Variants in ADAMTS19 observed in about 807,000 individuals in gnomAD.
The protein encoded by ADAMTS19 is ADAM metallopeptidase with thrombospondin type 1 motif 19.
ADAMTS19 carries 93 observed loss-of-function variants against 153.3 expected under a neutral mutation model. The observed-to-expected ratio is 0.61, with a 90% CI of 0.51 to 0.72. The LOEUF (loss-of-function observed/expected upper bound fraction) is 0.72, where lower values mean the gene tolerates loss of function less well. Among genes scored for constraint, ADAMTS19 ranks in the 30% least tolerant of loss-of-function variants. The pLI is 0.00. For synonymous variants in ADAMTS19, 600 were observed against 556.6 expected, an observed-to-expected ratio of 1.08 and a Z score of -1.10; for missense variants, 1,482 against 1,552.1, an observed-to-expected ratio of 0.95 and a Z score of 0.76.
chr5:129,705,009 G>C (rs1756077281), intron 21 of ADAMTS19, among the ~76,000 whole-genome samples: 1 of 152,142 alleles, frequency 6.6e-6, no homozygotes, highest in Non-Finnish European at 1.5e-5. Context: ...TGTCTGACCT[G>C]TTCATTCTAT....
chr5:129,535,968 C>T (rs375869514), intron 6 of ADAMTS19, among the ~76,000 whole-genome samples: 1 of 151,982 alleles, frequency 6.6e-6, no homozygotes, highest in African/African-American at 2.4e-5. Flanking sequence ...CCTAGAAGAA[C>T]ACCTAGGCAA....
intron 2 of ADAMTS19, among the ~76,000 whole-genome samples, chr5:129,472,127 C>G (rs1750088157): frequency 6.6e-6 from 1 of 152,212 alleles, no homozygotes; most frequent in Non-Finnish European, 1.5e-5. Flanking sequence ...TGAGGAATCA[C>G]TTCACTATCT....
chr5:129,545,219 C>T (rs923473589), intron 6 of ADAMTS19, among the ~76,000 whole-genome samples: 2 of 152,004 alleles, frequency 1.3e-5, no homozygotes, highest in African/African-American at 4.8e-5. Flanking sequence ...GATTTGAAAA[C>T]TGATGAAAAT....
chr5:129,640,014 A>G (rs1170534047), intron 10 of ADAMTS19, among the ~76,000 whole-genome samples: 1 of 152,236 alleles, frequency 6.6e-6, no homozygotes, highest in Non-Finnish European at 1.5e-5. Flanking sequence ...ATTCTTTACA[A>G]TAATTTTCTA....
chr5:129,646,131 G>A (rs902464531), intron 11 of ADAMTS19, among the ~76,000 whole-genome samples: 12 of 151,044 alleles, frequency 7.9e-5, no homozygotes, highest in Non-Finnish European at 1.6e-4. Context: ...CTCGTGATCC[G>A]CCCGCCTCGG....
intron 2 of ADAMTS19, among the ~76,000 whole-genome samples, chr5:129,497,475 C>G (rs1225192777): frequency 6.6e-6 from 1 of 152,134 alleles, no homozygotes; most frequent in Non-Finnish European, 1.5e-5. Flanking sequence ...GCTTCATTCT[C>G]CAACTACTTG....
chr5:129,658,347 A>AAGAAAGAGAGAGAGAGAGAGAG (rs1753665183), intron 14 of ADAMTS19, among the ~76,000 whole-genome samples: 4 of 115,990 alleles, frequency 3.4e-5, no homozygotes, highest in African/African-American at 1.5e-4. Context: ...GAAAGAAAGA[A>AAGAAAGAGAGAGAGAGAGAGAG]AGAAAGAAAG....
At chr5:129,500,660 G>C (rs1381375361) in intron 2 of ADAMTS19, 1 of 152,116 alleles carries the variant, frequency 6.6e-6, no homozygotes, top group Non-Finnish European at 1.5e-5. Context: ...CTTAGCAACA[G>C]ATTATGAAGC....
intron 13 of ADAMTS19, among the ~76,000 whole-genome samples, chr5:129,649,742 T>C (rs1202430330): frequency 1.3e-5 from 2 of 152,180 alleles, no homozygotes; most frequent in Non-Finnish European, 2.9e-5. Flanking sequence ...TTGCTGTAGT[T>C]CTATAGTTGC....
intron 3 of ADAMTS19, among the ~76,000 whole-genome samples, chr5:129,511,749 G>A (rs1328242994): frequency 6.6e-6 from 1 of 151,814 alleles, no homozygotes; most frequent in Non-Finnish European, 1.5e-5. Flanking sequence ...CAGACTGCCT[G>A]TGTTCATATC....
chr5:129,525,058 T>C (rs1751960863), intron 3 of ADAMTS19, among the ~76,000 whole-genome samples: 1 of 152,156 alleles, frequency 6.6e-6, no homozygotes, highest in Non-Finnish European at 1.5e-5. Context: ...ATATGACTAT[T>C]CTAACATTTC....
intron 7 of ADAMTS19, among the ~76,000 whole-genome samples, chr5:129,582,731 C>G (rs1030412327): frequency 3.4e-5 from 5 of 145,960 alleles, no homozygotes; most frequent in African/African-American, 1.4e-4. Flanking sequence ...CACCACCATG[C>G]CCAGCTAATT....
At chr5:129,697,502 A>G (rs1029946491) in intron 19 of ADAMTS19, among the ~76,000 whole-genome samples, 1 of 152,260 alleles carries the variant, frequency 6.6e-6, no homozygotes, top group African/African-American at 2.4e-5. Flanking sequence ...AAGGATGTGC[A>G]TAAGGGAAAA....
intron 21 of ADAMTS19, among the ~76,000 whole-genome samples, chr5:129,731,598 G>A (rs1757446716): frequency 6.6e-6 from 1 of 152,036 alleles, no homozygotes; most frequent in Non-Finnish European, 1.5e-5. Flanking sequence ...TCATACAATA[G>A]TACATTAGAT....
intron 2 of ADAMTS19, among the ~76,000 whole-genome samples, chr5:129,508,504 C>T (rs1425341840): frequency 6.6e-6 from 1 of 151,912 alleles, no homozygotes; most frequent in Admixed American, 6.6e-5. Flanking sequence ...TAAAACATGT[C>T]ACTATGTGAA....
intron 6 of ADAMTS19, among the ~76,000 whole-genome samples, chr5:129,529,908 C>A (rs1165875310): frequency 3.3e-5 from 5 of 152,096 alleles, no homozygotes; most frequent in Non-Finnish European, 5.9e-5. Flanking sequence ...AAGAGTGGAA[C>A]AATCTTGTGA....
intron 2 of ADAMTS19, among the ~76,000 whole-genome samples, chr5:129,497,027 CT>C (rs1423460779): frequency 6.6e-6 from 1 of 151,978 alleles, no homozygotes; most frequent in Non-Finnish European, 1.5e-5. Flanking sequence ...TCAGCTCTTG[CT>C]ATTGAATTTA....
chr5:129,645,916 T>G (rs1271732506), intron 11 of ADAMTS19, among the ~76,000 whole-genome samples: 1 of 133,178 alleles, frequency 7.5e-6, no homozygotes, highest in Non-Finnish European at 1.6e-5. Context: ...TGAGACGGAG[T>G]CTCGCTCTGT....
intron 7 of ADAMTS19, among the ~76,000 whole-genome samples, chr5:129,588,749 C>G (rs1426414132): frequency 1.4e-4 from 21 of 151,176 alleles, no homozygotes; most frequent in Admixed American, 1.4e-3. Context: ...TTTGGTGATT[C>G]TTTGTTGTTG....
Sources: gnomAD v4.1 joint callset for allele counts (sites outside exome capture counted in the v4.1 genomes callset) on GRCh38, gnomAD v4.1.1 for gene constraint, MANE v1.5 for transcripts, NCBI Gene and HGNC (gene_info 2026-07-23, HGNC 2026-07-21) for gene names.